Variants in TBC1D8 observed in about 807,000 individuals in gnomAD.
The protein encoded by TBC1D8 is BUB2-like protein 1.
In TBC1D8, 65 loss-of-function variants were observed where a neutral mutation model predicts 118.8. The ratio of observed to expected loss-of-function variants is 0.55; its 90% CI spans 0.45 to 0.67. TBC1D8 has a LOEUF of 0.67. Ranked by LOEUF, TBC1D8 falls within the 30% of genes least tolerant of loss-of-function variation. The probability of loss-of-function intolerance (pLI) is 0.00; values close to 1 mark genes in which losing one functional copy is unlikely to be tolerated. For missense variants in TBC1D8, 1,376 were observed against 1,471.2 expected, an observed-to-expected ratio of 0.94 and a Z score of 1.06; for synonymous variants, 566 against 595.8, an observed-to-expected ratio of 0.95 and a Z score of 0.73.
intron 3 of TBC1D8, among the ~76,000 whole-genome samples, chr2:101,056,159 C>G (rs1368212534): frequency 2.6e-5 from 4 of 151,308 alleles, no homozygotes; most frequent in African/African-American, 4.8e-5. Context: ...AAAATCAAAC[C>G]CGAGCACTGA....
At chr2:101,025,153 T>TA (rs1327749590) in intron 15 of TBC1D8, among the ~76,000 whole-genome samples, 1 of 152,162 alleles carries the variant, frequency 6.6e-6, no homozygotes, top group Non-Finnish European at 1.5e-5. Flanking sequence ...TCTGGAAAGA[T>TA]ACGCACATTG....
chr2:101,009,175 C>T (rs9784111), intron 19 of TBC1D8, among the ~76,000 whole-genome samples: 290 of 152,212 alleles, frequency 1.9e-3, no homozygotes, highest in African/African-American at 6.6e-3. Context: ...AGGCGGATCA[C>T]GAGGTCAGGA....
chr2:101,066,318 T>C (rs1683011041), intron 2 of TBC1D8, among the ~76,000 whole-genome samples: 1 of 151,804 alleles, frequency 6.6e-6, no homozygotes, highest in African/African-American at 2.4e-5. Context: ...AATATAAATA[T>C]ACTCCATATG....
chr2:101,059,593 C>T, intron 2 of TBC1D8, 54 bp from the exon 3 acceptor site: 3 of 1,399,984 alleles, frequency 2.1e-6, no homozygotes, highest in Non-Finnish European at 2.0e-6. Context: ...AGAAGTAATT[C>T]CTAGAACGTT....
intron 17 of TBC1D8, among the ~76,000 whole-genome samples, chr2:101,015,191 G>A (rs1679531216): frequency 6.6e-6 from 1 of 152,042 alleles, no homozygotes; most frequent in South Asian, 2.1e-4. Flanking sequence ...TGGTAGCTGT[G>A]TATCTAAACT....
intron 2 of TBC1D8, among the ~76,000 whole-genome samples, chr2:101,073,877 TGGCTTGTTTGGTCTTCTATACA>T (rs1674638755): frequency 6.6e-6 from 1 of 152,254 alleles, no homozygotes; most frequent in Admixed American, 6.5e-5. Flanking sequence ...AGAGATGTTG[TGGCTTGTTTGGTCTTCTATACA>T]GACCACAAAA....
In TBC1D8 at chr2:101,080,186, A is replaced by G. The variant is rs1025511065; in HGVS notation, c.283+10023T>C. Among the ~76,000 whole-genome samples, 3 of 152,174 alleles carry G rather than the reference A, an allele frequency of 2.0e-5. No homozygotes were observed. The East Asian group carries it at 5.8e-4, about 29-fold the overall frequency. On this transcript the variant is annotated intron_variant, in intron 2 of 19. Transcript: ENST00000409318. ...TTTAAAACAGTAAGAGCCTGGTGAC[A>G]GTAACTCCATAATAGAAAAGAAACG...
At chr2:101,064,606 C>A (rs1682926673) in intron 2 of TBC1D8, among the ~76,000 whole-genome samples, 1 of 152,152 alleles carries the variant, frequency 6.6e-6, no homozygotes, top group South Asian at 2.1e-4. Flanking sequence ...AAATGAAAGT[C>A]CAGTGAATCT....
chr2:101,075,463 C>T (rs1343539366), intron 2 of TBC1D8, among the ~76,000 whole-genome samples: 1 of 151,692 alleles, frequency 6.6e-6, no homozygotes, highest in Non-Finnish European at 1.5e-5. Flanking sequence ...CCACTCAAAT[C>T]TCATCTTGAA....
intron 17 of TBC1D8, among the ~76,000 whole-genome samples, chr2:101,013,220 T>C (rs1679364394): frequency 6.6e-6 from 1 of 152,136 alleles, no homozygotes; most frequent in Non-Finnish European, 1.5e-5. Context: ...TCACAGCATA[T>C]GAAGAGAACG....
At chr2:101,047,598 A>G (rs1347626468) in intron 5 of TBC1D8, among the ~76,000 whole-genome samples, 2 of 152,216 alleles carry the variant, frequency 1.3e-5, no homozygotes, top group African/African-American at 4.8e-5. Flanking sequence ...TTGGGAGGCA[A>G]GGTACATACA....
chr2:101,059,115 GC>G (rs1244746774), intron 3 of TBC1D8, among the ~76,000 whole-genome samples: 1 of 151,640 alleles, frequency 6.6e-6, no homozygotes, highest in Non-Finnish European at 1.5e-5. Context: ...TACCGTGTTA[GC>G]CAGGATGGTC....
Position 101,146,361 on chromosome 2 carries a change from T to G in TBC1D8, c.127+4766A>C, listed in dbSNP as rs952404659. Among the ~76,000 whole-genome samples, 5 of 152,222 alleles carry G rather than the reference T, an allele frequency of 3.3e-5. 1 individual carries two copies. The highest frequency in any genetic ancestry group is 7.3e-5 in the Non-Finnish European group (5 of 68,042). On this transcript the variant is annotated intron_variant, in intron 1 of 19. Transcript: ENST00000409318. ...ACTGTTTAGGTAATCAGCCCATCAC[T>G]ACTACAAATGCAATGACAGGAACAG...
intron 1 of TBC1D8, among the ~76,000 whole-genome samples, chr2:101,093,591 T>A (rs1475245962): frequency 1.3e-5 from 2 of 151,972 alleles, no homozygotes; most frequent in African/African-American, 2.4e-5. Flanking sequence ...GGTACACGCC[T>A]GTAATCCTAG....
chr2:101,151,257 G>A lies in TBC1D8; in HGVS notation c.-4C>T. 8.7e-7 allele frequency: 1 copy of A among 1,153,230 alleles called. No homozygotes were observed. The highest frequency in any genetic ancestry group is 1.1e-6 in the Non-Finnish European group (1 of 921,272). The allele number at this position is 1,153,230 out of a possible 1,614,324, so 71.4% of individuals were successfully genotyped here. Reference sequence around the variant, plus strand: ...CCTCCTCGGGCTTGAGCCACATCGCGGCGGTCCGGCCGCGCCCGCCGGCCC... The same window carrying A: ...CCTCCTCGGGCTTGAGCCACATCGCAGCGGTCCGGCCGCGCCCGCCGGCCC... On this transcript the variant is annotated 5_prime_UTR_variant, in exon 1 of 20. Transcript: ENST00000409318.
intron 2 of TBC1D8, among the ~76,000 whole-genome samples, chr2:101,086,141 C>CA (rs1294886220): frequency 0.46 from 52,021 of 112,560 alleles, 9,921 homozygotes; most frequent in Middle Eastern, 0.51. Context: ...GACTCTGTCT[C>CA]AAAAAAAAAA....
At chr2:101,122,719 T>C (rs1013775119) in intron 1 of TBC1D8, among the ~76,000 whole-genome samples, 5 of 152,176 alleles carry the variant, frequency 3.3e-5, no homozygotes, top group Non-Finnish European at 7.3e-5. Context: ...ATAGACTATT[T>C]GAGTTTTCAA....
At chr2:101,009,136 G>GT (rs1229000147) in intron 19 of TBC1D8, among the ~76,000 whole-genome samples, 2 of 152,210 alleles carry the variant, frequency 1.3e-5, no homozygotes, top group Admixed American at 6.5e-5. Context: ...GCTCATGCCT[G>GT]TAATCCCAGC....
At chr2:101,085,328 G>T (rs1010014481) in intron 2 of TBC1D8, among the ~76,000 whole-genome samples, 33 of 151,930 alleles carry the variant, frequency 2.2e-4, no homozygotes, top group African/African-American at 8.0e-4. Flanking sequence ...ATGGATTCAG[G>T]AACAGAACAG....
Sources: gnomAD v4.1 joint callset for allele counts (sites outside exome capture counted in the v4.1 genomes callset) on GRCh38, gnomAD v4.1.1 for gene constraint, MANE v1.5 for transcripts, NCBI Gene and HGNC (gene_info 2026-07-23, HGNC 2026-07-21) for gene names.